SNTG1: variants seen among roughly 807,000 people sequenced by gnomAD.
The protein encoded by SNTG1 is gamma-1-syntrophin.
SNTG1 carries 39 observed loss-of-function variants against 74.7 expected under a neutral mutation model. The observed-to-expected ratio is 0.52, with a 90% CI of 0.40 to 0.68. SNTG1 has a LOEUF of 0.68. Among genes scored for constraint, SNTG1 ranks in the 30% least tolerant of loss-of-function variants. SNTG1 has a pLI of 0.00. For missense variants in SNTG1, 685 were observed against 609.5 expected (o/e 1.12, Z -1.30); for synonymous variants, 254 against 217.1 (o/e 1.17, Z -1.49).
intron 1 of SNTG1, among the ~76,000 whole-genome samples, chr8:49,968,665 GAGAT>G (rs1477891645): frequency 2.6e-5 from 4 of 152,152 alleles, no homozygotes; most frequent in Non-Finnish European, 5.9e-5. Context: ...TTATACCAAA[GAGAT>G]AGACCCTTAT....
intron 9 of SNTG1, among the ~76,000 whole-genome samples, chr8:50,509,928 T>C (rs1446485987): frequency 6.6e-6 from 1 of 152,102 alleles, no homozygotes; most frequent in Non-Finnish European, 1.5e-5. Context: ...TGCCTGATTG[T>C]CCTGTGCAGA....
chr8:50,650,326 T>C lies in SNTG1; in HGVS notation c.850-6583T>C, dbSNP rs537389017. Among the ~76,000 whole-genome samples, 462 of 152,220 alleles carry C rather than the reference T, an allele frequency of 3.0e-3. 3 individuals are homozygous for C. Among genetic ancestry groups the C allele is most frequent in the African/African-American group, 0.011 (445 of 41,568 alleles). On this transcript the variant is annotated intron_variant, in intron 13 of 18. Coordinates refer to ENST00000642720, the MANE Select transcript of SNTG1 (RefSeq NM_018967.5). ...AATCTCAAGTTATTTATTTAATTAA[T>C]AAATTTAGACCTCATATAAAGAATG...
At chr8:50,135,835 G>A (rs138520164) in intron 1 of SNTG1, among the ~76,000 whole-genome samples, 3 of 152,154 alleles carry the variant, frequency 2.0e-5, no homozygotes, top group Admixed American at 6.6e-5. Context: ...TTGGTGTGCC[G>A]ATTGTTTTGT....
intron 2 of SNTG1, among the ~76,000 whole-genome samples, chr8:50,177,219 C>A (rs1418299690): frequency 6.6e-6 from 1 of 152,204 alleles, no homozygotes; most frequent in African/African-American, 2.4e-5. Flanking sequence ...TGGAGCATGG[C>A]AGCTGAAATG....
chr8:50,432,465 T>C (rs191514503), intron 4 of SNTG1, among the ~76,000 whole-genome samples: 180 of 152,270 alleles, frequency 1.2e-3, no homozygotes, highest in African/African-American at 4.2e-3. Context: ...CCTCCAACTT[T>C]ATTCTTCTTC....
chr8:50,511,364 G>A (rs1229888282), intron 9 of SNTG1, among the ~76,000 whole-genome samples: 2 of 152,122 alleles, frequency 1.3e-5, no homozygotes, highest in African/African-American at 4.8e-5. Flanking sequence ...AATAGGTGTG[G>A]TGTAGTGTTG....
chr8:50,643,070 C>A (rs914232173), intron 13 of SNTG1, among the ~76,000 whole-genome samples: 3 of 152,102 alleles, frequency 2.0e-5, no homozygotes, highest in Non-Finnish European at 4.4e-5. Flanking sequence ...AAACAAACAA[C>A]CTTGGGTTTT....
chr8:50,632,285 T>TTTTATTTATTCATTTA lies in SNTG1; in HGVS notation c.850-24614_850-24613insCATTTATTTATTTATT, dbSNP rs758805653. On this transcript the variant is annotated intron_variant, in intron 13 of 18. Transcript: ENST00000642720. ...TATTTTATTTTAATAGTCTTTTTAA[T>TTTTATTTATTCATTTA]TTTATTTATTTATTTATTTATTTAT... Among the ~76,000 whole-genome samples, 63 of 134,398 alleles carry TTTTATTTATTCATTTA rather than the reference T, an allele frequency of 4.7e-4. 2 individuals carry two copies. Among genetic ancestry groups the TTTTATTTATTCATTTA allele is most frequent in the African/African-American group, 1.9e-3 (55 of 29,254 alleles). The allele number at this position is 134,398 out of a possible 152,430, so 88.2% of individuals were successfully genotyped here.
At chr8:50,213,597 C>A (rs1339863213) in intron 2 of SNTG1, among the ~76,000 whole-genome samples, 5 of 151,968 alleles carry the variant, frequency 3.3e-5, no homozygotes, top group Admixed American at 2.6e-4. Flanking sequence ...CCTGTTGTTT[C>A]CTGACTTTTT....
At chr8:50,089,213 C>G (rs1476291706) in intron 1 of SNTG1, among the ~76,000 whole-genome samples, 1 of 152,078 alleles carries the variant, frequency 6.6e-6, no homozygotes, top group Non-Finnish European at 1.5e-5. Context: ...ATGTAGAAAG[C>G]TGAAACTGGA....
intron 2 of SNTG1, among the ~76,000 whole-genome samples, chr8:50,248,267 A>G (rs769253688): frequency 9.2e-5 from 14 of 152,194 alleles, no homozygotes; most frequent in Non-Finnish European, 1.9e-4. Flanking sequence ...GTTTAAAAGC[A>G]TAGCCCCCAA....
At chr8:50,114,735 C>T (rs935600476) in intron 1 of SNTG1, among the ~76,000 whole-genome samples, 8 of 152,116 alleles carry the variant, frequency 5.3e-5, no homozygotes, top group African/African-American at 1.9e-4. Flanking sequence ...CGTAGATGTG[C>T]ACGCCTGTAG....
At chr8:50,417,343 G>C (rs907784624) in intron 4 of SNTG1, among the ~76,000 whole-genome samples, 3 of 152,118 alleles carry the variant, frequency 2.0e-5, no homozygotes, top group African/African-American at 4.8e-5. Flanking sequence ...ATTTATAGGA[G>C]AGAACTGACT....
chr8:50,551,637 T>C (rs2094427460), intron 11 of SNTG1, among the ~76,000 whole-genome samples: 1 of 152,180 alleles, frequency 6.6e-6, no homozygotes. Context: ...GAATTAAAGC[T>C]AAAAATATCA....
intron 9 of SNTG1, among the ~76,000 whole-genome samples, chr8:50,509,856 C>G (rs1342270588): frequency 1.3e-5 from 2 of 152,152 alleles, no homozygotes; most frequent in Non-Finnish European, 2.9e-5. Context: ...ATCATGTCAT[C>G]TGCAAGCAGG....
At chr8:50,335,310 A>G (rs1445248579) in intron 2 of SNTG1, among the ~76,000 whole-genome samples, 1 of 152,216 alleles carries the variant, frequency 6.6e-6, no homozygotes, top group Admixed American at 6.5e-5. Context: ...AAGTCTGAGC[A>G]TACAACATGG....
At chr8:50,346,895 A>G (rs971471719) in intron 2 of SNTG1, among the ~76,000 whole-genome samples, 2 of 152,258 alleles carry the variant, frequency 1.3e-5, no homozygotes, top group Admixed American at 1.3e-4. Flanking sequence ...GCTGCAGAAG[A>G]GAAGGTTGAA....
rs549570301 is a variant in SNTG1 at position 50,109,963 on chromosome 8, T to C, written c.-102-62598T>C. On this transcript the variant is annotated intron_variant, in intron 1 of 18. Coordinates refer to ENST00000642720, the MANE Select transcript of SNTG1 (RefSeq NM_018967.5). ...CCCACTTCTGTCTTAAGTACCCACC[T>C]TTCCCCATCTAGTTTCTGCCCAGGC... 4.6e-5 allele frequency among the ~76,000 whole-genome samples: 7 copies of C among 152,268 alleles called. No individual in the cohort carries two copies. In the South Asian group the frequency reaches 1.5e-3, roughly 32 times the overall value.
At chr8:50,234,798 A>G (rs533984921) in intron 2 of SNTG1, among the ~76,000 whole-genome samples, 1 of 152,220 alleles carries the variant, frequency 6.6e-6, no homozygotes, top group East Asian at 1.9e-4. Flanking sequence ...AATCACTTCA[A>G]CTTTTAAAAA....
Sources: allele counts gnomAD v4.1 joint callset (sites outside exome capture counted in the v4.1 genomes callset), GRCh38; gene constraint gnomAD v4.1.1; transcripts MANE v1.5; gene names NCBI Gene and HGNC (gene_info 2026-07-23, HGNC 2026-07-21).